Variants in WNK2 observed in about 807,000 individuals in gnomAD.
The protein encoded by WNK2 is WNK lysine deficient protein kinase 2.
Under a neutral mutation model 192.1 loss-of-function variants are expected in WNK2, and 67 were observed. That is an observed-to-expected ratio of 0.35 (90% CI 0.29 to 0.43). The LOEUF is 0.43. Ranked by LOEUF, WNK2 falls within the 20% of genes least tolerant of loss-of-function variation. WNK2 has a pLI of 1.00. For synonymous variants in WNK2, 1,439 were observed against 1,393.9 expected, an observed-to-expected ratio of 1.03 and a Z score of -0.72; for missense variants, 2,698 against 3,089.7, an observed-to-expected ratio of 0.87 and a Z score of 3.01.
chr9:93,289,462 G>C lies in WNK2; in HGVS notation c.4708G>C (p.Ala1570Pro). 2 of 1,612,638 alleles carry C rather than the reference G, an allele frequency of 1.2e-6. No individual in the cohort carries two copies. Among genetic ancestry groups the C allele is most frequent in the Non-Finnish European group, 1.7e-6 (2 of 1,179,528 alleles). Residue 1570 changes from alanine (A) to proline (P), a missense_variant, in exon 20 of 30, where the codon GCC becomes CCC. By Grantham distance (27) the Ala-to-Pro change is conservative (BLOSUM62 -1). Transcript: ENST00000427277. ...CCAGGAGCACGTGCCCACCTCCTCA[G>C]CCTCAGCTGGGACCCCTGTGGAGGT... ...LYQEHVPTSS[A>P]SAGTPVEVGD...
At chr9:93,294,749 G>T (rs996543557) in intron 23 of WNK2, among the ~76,000 whole-genome samples, 1 of 152,112 alleles carries the variant, frequency 6.6e-6, no homozygotes, top group African/African-American at 2.4e-5. Flanking sequence ...TGGCAGAAGT[G>T]ATTGGGAGCC....
intron 5 of WNK2, among the ~76,000 whole-genome samples, chr9:93,237,640 G>A (rs1046025599): frequency 2.6e-5 from 4 of 152,292 alleles, no homozygotes; most frequent in East Asian, 1.9e-4. Flanking sequence ...CTGCAAGGTC[G>A]TGGGTCACAT....
chr9:93,248,352 A>AGGACAGATGG (rs1842078444), intron 8 of WNK2, among the ~76,000 whole-genome samples: 1 of 152,254 alleles, frequency 6.6e-6, no homozygotes, highest in Non-Finnish European at 1.5e-5. Flanking sequence ...TCATGTTCTC[A>AGGACAGATGG]GGACAGATGG....
Position 93,293,085 on chromosome 9 carries a change from C to T in WNK2, c.5620C>T (p.His1874Tyr). Residue 1874 changes from histidine to tyrosine, a missense_variant, in exon 23 of 30, where the codon CAT becomes TAT. His to Tyr is a moderately conservative substitution (Grantham distance 83). This residue lies in a region of WNK2 where 1,098 missense variants were observed against 1,101.0 expected (regional missense o/e 1.00). Transcript: ENST00000427277. ...CCCCACGATCAGCGTGACCTCCTTC[C>T]ATTCCCAGTCGTCCTACATCAGCAG... ...KVPTISVTSFHSQSSYISSDN... is the reference protein window; with the variant it reads ...KVPTISVTSFYSQSSYISSDN... 6.2e-7 allele frequency: 1 copy of T among 1,608,222 alleles called. No individual in the cohort carries two copies. Among genetic ancestry groups the T allele is most frequent in the Non-Finnish European group, 8.5e-7 (1 of 1,177,704 alleles).
At chr9:93,244,304 A>G (rs564085476) in intron 7 of WNK2, among the ~76,000 whole-genome samples, 1 of 152,296 alleles carries the variant, frequency 6.6e-6, no homozygotes, top group Non-Finnish European at 1.5e-5. Flanking sequence ...GAGATGAAAT[A>G]GCGGGCTCTG....
chr9:93,245,331 A>G (rs1446897791), intron 7 of WNK2, among the ~76,000 whole-genome samples: 1 of 152,138 alleles, frequency 6.6e-6, no homozygotes, highest in Non-Finnish European at 1.5e-5. Context: ...TCCTCGGGCC[A>G]CTCAGGTCCC....
At chr9:93,276,214 A>C (rs1234384291) in intron 19 of WNK2, among the ~76,000 whole-genome samples, 3 of 152,262 alleles carry the variant, frequency 2.0e-5, no homozygotes, top group African/African-American at 7.2e-5. Flanking sequence ...AAGTTACAGT[A>C]ATCTAGACAG....
intron 28 of WNK2, chr9:93,308,845 A>T: frequency 7.3e-7 from 1 of 1,368,372 alleles, no homozygotes; most frequent in Non-Finnish European, 9.4e-7. Context: ...TCCACAGCTC[A>T]GATACAGCAG....
chr9:93,306,017 C>T (rs1199049497), intron 26 of WNK2, among the ~76,000 whole-genome samples: 1 of 152,192 alleles, frequency 6.6e-6, no homozygotes, highest in African/African-American at 2.4e-5. Flanking sequence ...TGGGCACTGA[C>T]TGGCTAGGAC....
intron 2 of WNK2, among the ~76,000 whole-genome samples, chr9:93,225,391 G>C (rs1036760821): frequency 6.6e-6 from 1 of 152,146 alleles, no homozygotes; most frequent in African/African-American, 2.4e-5. Flanking sequence ...GTGAGACCCT[G>C]TCTCCCCTAC....
At chr9:93,218,728 T>C (rs1291024767) in intron 2 of WNK2, among the ~76,000 whole-genome samples, 1 of 152,206 alleles carries the variant, frequency 6.6e-6, no homozygotes. Context: ...GTCTGCTGCC[T>C]GCACAGCTGC....
In WNK2 at chr9:93,261,806, GC is replaced by G; in HGVS notation, c.3067-3del. ...CCCTGACTTGCACCTTGTCCCCTGT[GC>G]CCCCAGATTCTGCTTGGCCACCCAG... On this transcript the variant is annotated splice_region_variant and splice_polypyrimidine_tract_variant and intron_variant, in intron 12 of 29. Transcript: ENST00000427277. 1.3e-6 allele frequency: 2 copies of G among 1,581,358 alleles called. No individual in the cohort carries two copies. The highest frequency in any genetic ancestry group is 1.7e-6 in the Non-Finnish European group (2 of 1,166,422).
chr9:93,278,865 G>C (rs749325221), intron 19 of WNK2, among the ~76,000 whole-genome samples: 6 of 152,078 alleles, frequency 3.9e-5, no homozygotes, highest in Admixed American at 6.5e-5. Flanking sequence ...TGATCAACTA[G>C]AAAACAAAGA....
At position 93,311,840 on chromosome 9, in the gene WNK2, G is replaced by A. The variant is rs528223456; in HGVS notation, c.6516+3256G>A. 6.6e-5 allele frequency among the ~76,000 whole-genome samples: 10 copies of A among 152,160 alleles called. No individual in the cohort carries two copies. The East Asian group carries it at 1.7e-3, about 26-fold the overall frequency. On this transcript the variant is annotated intron_variant, in intron 28 of 29. Coordinates refer to ENST00000427277, the MANE Select transcript of WNK2 (RefSeq NM_006648.4). ...TCACCATGTTGGTCAGGCTGATCTC[G>A]AACTCCTGACCTCAAGTGATCCACC... is the stretch of plus-strand genomic sequence containing the variant.
chr9:93,261,764 A>G (rs781186336), intron 12 of WNK2, 50 bp from the exon 13 acceptor site: 2 of 1,542,696 alleles, frequency 1.3e-6, no homozygotes, highest in Non-Finnish European at 1.7e-6. Context: ...CGGCCCCCTC[A>G]GTGAAGGCAG....
At chr9:93,202,364 G>GTGTGTATGTA (rs576221975) in intron 2 of WNK2, among the ~76,000 whole-genome samples, 1 of 146,174 alleles carries the variant, frequency 6.8e-6, no homozygotes. Context: ...GTGTGTGTGT[G>GTGTGTATGTA]TGTATGTCTC....
Position 93,289,082 on chromosome 9 carries a change from C to T in WNK2, c.4328C>T (p.Pro1443Leu), listed in dbSNP as rs745953816. The change falls in exon 20 of 30, where the codon CCG becomes CTG. Residue 1443 changes from proline (P) to leucine (L), a missense_variant. Physicochemically the swap from Pro to Leu is moderately conservative, Grantham distance 98. Transcript: ENST00000427277. ...SQPLAETHEAPLAVQPLVVGL... is the reference protein window; with the variant it reads ...SQPLAETHEALLAVQPLVVGL... The stretch of plus-strand genomic sequence containing the variant: ...CCACTAGCGGAGACTCACGAGGCCC[C>T]GCTTGCTGTGCAGCCCCTCGTGGTG... The T allele has an allele frequency of 1.9e-5, 30 of 1,607,724 alleles. No individual in the cohort carries two copies. In the East Asian group the frequency reaches 2.5e-4, roughly 13 times the overall value.
chr9:93,224,750 T>C (rs1209593403), intron 2 of WNK2, among the ~76,000 whole-genome samples: 3 of 152,160 alleles, frequency 2.0e-5, no homozygotes, highest in Non-Finnish European at 4.4e-5. Flanking sequence ...TTGGTGCTGA[T>C]TGACCTTACC....
chr9:93,210,885 AG>A (rs1185073838), intron 2 of WNK2, among the ~76,000 whole-genome samples: 1 of 152,146 alleles, frequency 6.6e-6, no homozygotes, highest in African/African-American at 2.4e-5. Flanking sequence ...CCGCTATGGG[AG>A]CCCCAGGGAC....
Sources: allele counts gnomAD v4.1 joint callset (sites outside exome capture counted in the v4.1 genomes callset), GRCh38; gene constraint gnomAD v4.1.1; regional missense constraint gnomAD v4.1.1; transcripts MANE v1.5; gene names NCBI Gene and HGNC (gene_info 2026-07-23, HGNC 2026-07-21).